Variants in NRF1 observed in about 807,000 individuals in gnomAD.
NRF1 encodes the protein nuclear respiratory factor 1.
NRF1 carries 5 observed loss-of-function variants against 58.5 expected under a neutral mutation model. The ratio of observed to expected loss-of-function variants is 0.09; its 90% confidence interval spans 0.04 to 0.18. NRF1 has a LOEUF of 0.18. Ranked by LOEUF, NRF1 falls within the 10% of genes least tolerant of loss-of-function variation. NRF1 has a pLI of 1.00. For synonymous variants in NRF1, 224 were observed against 246.7 expected (o/e 0.91, Z 0.86); for missense variants, 288 against 657.7 (o/e 0.44, Z 6.15).
chr7:129,756,438 G>A lies in NRF1; in HGVS notation c.*1257G>A, dbSNP rs919713159. 2 of 152,436 alleles carry A rather than the reference G, an allele frequency of 1.3e-5. No individual in the cohort carries two copies. Among genetic ancestry groups the A allele is most frequent in the African/African-American group, 4.8e-5 (2 of 41,470 alleles). 9.4% of individuals were successfully genotyped at this position (152,436 alleles called of 1,614,324 possible). On this transcript the variant is annotated 3_prime_UTR_variant, in exon 11 of 11. Coordinates refer to ENST00000393232, the MANE Select transcript of NRF1 (RefSeq NM_005011.5). ...CCCTGCTTCAGAAGGGACTCCTGGA[G>A]GCCCATGTTCCTTGATGCAACCTCG...
At chr7:129,719,852 G>C (rs1434634390) in intron 9 of NRF1, among the ~76,000 whole-genome samples, 1 of 152,044 alleles carries the variant, frequency 6.6e-6, no homozygotes, top group Non-Finnish European at 1.5e-5. Flanking sequence ...GGTCTAACAG[G>C]CCCTCATTAA....
intron 5 of NRF1, among the ~76,000 whole-genome samples, chr7:129,690,936 T>C (rs1292433774): frequency 6.6e-6 from 1 of 152,250 alleles, no homozygotes; most frequent in African/African-American, 2.4e-5. Context: ...TCTTTCAATG[T>C]AAATTCTAAA....
intron 3 of NRF1, among the ~76,000 whole-genome samples, chr7:129,676,903 A>G (rs575717217): frequency 6.6e-6 from 1 of 152,208 alleles, no homozygotes; most frequent in African/African-American, 2.4e-5. Flanking sequence ...ATAAACAATG[A>G]GATATAAACA....
chr7:129,693,302 G>A (rs1015613819), intron 5 of NRF1, among the ~76,000 whole-genome samples: 46 of 152,114 alleles, frequency 3.0e-4, no homozygotes, highest in African/African-American at 1.0e-3. Context: ...CAGCAACTTG[G>A]TCTGAAGTAA....
intron 2 of NRF1, among the ~76,000 whole-genome samples, chr7:129,663,100 G>A (rs1386248838): frequency 6.6e-6 from 1 of 152,244 alleles, no homozygotes; most frequent in East Asian, 1.9e-4. Context: ...AGCATCCCAA[G>A]GCAGAAGAAT....
chr7:129,682,630 TAAAAAAAAAA>T (rs771494622), intron 4 of NRF1, among the ~76,000 whole-genome samples: 4 of 87,872 alleles, frequency 4.6e-5, no homozygotes, highest in African/African-American at 7.4e-5. Context: ...CAAAAAAATG[TAAAAAAAAAA>T]AAAAAAAAAA....
chr7:129,737,365 C>A (rs890586467), intron 10 of NRF1, among the ~76,000 whole-genome samples: 1 of 152,220 alleles, frequency 6.6e-6, no homozygotes, highest in African/African-American at 2.4e-5. Flanking sequence ...GGCCTTTTTA[C>A]TCCTAAAATG....
chr7:129,752,288 G>GA (rs1804137061), intron 10 of NRF1, among the ~76,000 whole-genome samples: 1 of 151,120 alleles, frequency 6.6e-6, no homozygotes, highest in African/African-American at 2.4e-5. Context: ...AGGAGTGGGG[G>GA]ATAAGTCTAT....
chr7:129,660,127 C>A (rs922186293), intron 2 of NRF1, among the ~76,000 whole-genome samples: 1 of 152,150 alleles, frequency 6.6e-6, no homozygotes, highest in Admixed American at 6.5e-5. Flanking sequence ...ACCATCAGAT[C>A]TTGTGAGACT....
At chr7:129,692,589 A>T (rs1365609565) in intron 5 of NRF1, among the ~76,000 whole-genome samples, 3 of 152,030 alleles carry the variant, frequency 2.0e-5, no homozygotes, top group Admixed American at 6.6e-5. Context: ...TGAATGAATA[A>T]ATTTATTTAT....
At position 129,684,038 on chromosome 7, in the gene NRF1, T is replaced by C. The variant is rs548043404; in HGVS notation, c.465+6280T>C. On this transcript the variant is annotated intron_variant, in intron 4 of 10. Transcript: ENST00000393232. Reference sequence around the variant, plus strand: ...TTATCTAAACTGGTATTCAAAGGAATATTCATTGTCTTATTTTCAAAAAAA... The same window carrying C: ...TTATCTAAACTGGTATTCAAAGGAACATTCATTGTCTTATTTTCAAAAAAA... Among the ~76,000 whole-genome samples, 40 of 152,290 alleles carry C rather than the reference T, an allele frequency of 2.6e-4. 1 individual carries two copies. The South Asian group carries it at 7.9e-3, about 30-fold the overall frequency.
At chr7:129,618,108 A>G (rs1800694057) in intron 1 of NRF1, among the ~76,000 whole-genome samples, 1 of 152,194 alleles carries the variant, frequency 6.6e-6, no homozygotes, top group South Asian at 2.1e-4. Context: ...TTGTGATGTA[A>G]AAGGACATCG....
chr7:129,633,958 T>C (rs1470414294), intron 1 of NRF1, among the ~76,000 whole-genome samples: 1 of 150,320 alleles, frequency 6.7e-6, no homozygotes, highest in Non-Finnish European at 1.5e-5. Context: ...CTCCTGACCA[T>C]GCCTGAAAAT....
At chr7:129,621,759 T>C (rs1050463494) in intron 1 of NRF1, among the ~76,000 whole-genome samples, 28 of 151,092 alleles carry the variant, frequency 1.9e-4, no homozygotes, top group African/African-American at 6.8e-4. Flanking sequence ...GCTCTATTAT[T>C]TTAAAAGTTT....
intron 4 of NRF1, among the ~76,000 whole-genome samples, chr7:129,680,007 C>T (rs1194520555): frequency 2.0e-5 from 3 of 150,608 alleles, no homozygotes; most frequent in Non-Finnish European, 1.5e-5. Flanking sequence ...GCAGTGAGCC[C>T]AGATCACATG....
intron 5 of NRF1, among the ~76,000 whole-genome samples, chr7:129,695,363 G>A (rs1322143364): frequency 6.6e-6 from 1 of 152,034 alleles, no homozygotes; most frequent in Non-Finnish European, 1.5e-5. Context: ...GATCACCTGA[G>A]GTCAGGAGTT....
chr7:129,656,457 G>A (rs1031931852), intron 1 of NRF1, among the ~76,000 whole-genome samples: 2 of 151,668 alleles, frequency 1.3e-5, no homozygotes, highest in Non-Finnish European at 2.9e-5. Context: ...CTGGGGTGGG[G>A]GGGAGTGGAG....
intron 3 of NRF1, among the ~76,000 whole-genome samples, chr7:129,672,213 T>C (rs1802063912): frequency 6.7e-6 from 1 of 150,020 alleles, no homozygotes; most frequent in African/African-American, 2.5e-5. Context: ...TTTTTTTTTT[T>C]TTTTTTTGAT....
At chr7:129,662,714 C>T (rs1261995031) in intron 2 of NRF1, among the ~76,000 whole-genome samples, 1 of 152,046 alleles carries the variant, frequency 6.6e-6, no homozygotes, top group Non-Finnish European at 1.5e-5. Flanking sequence ...CACTAGCAAT[C>T]CTGGATCATC....
Sources: gnomAD v4.1 joint callset for allele counts (sites outside exome capture counted in the v4.1 genomes callset) on GRCh38, gnomAD v4.1.1 for gene constraint, MANE v1.5 for transcripts, NCBI Gene and HGNC (gene_info 2026-07-23, HGNC 2026-07-21) for gene names.